Variants in ABCA12 observed in about 807,000 individuals in gnomAD.
ABCA12 encodes glucosylceramide transporter ABCA12.
In ABCA12, 156 loss-of-function variants were observed where a neutral mutation model predicts 293.5. The observed-to-expected ratio is 0.53, with a 90% confidence interval of 0.47 to 0.61. The LOEUF is 0.61. Among genes scored for constraint, ABCA12 ranks in the 20% least tolerant of loss-of-function variants. ABCA12 has a pLI of 0.00. For missense variants in ABCA12, 2,797 were observed against 3,090.2 expected (o/e 0.91, Z 2.25); for synonymous variants, 1,063 against 1,108.0 (o/e 0.96, Z 0.81).
At position 214,987,656 on chromosome 2, in the gene ABCA12, G is replaced by T. The variant is rs772305847; in HGVS notation, c.3967C>A (p.Pro1323Thr). 1 of 1,613,100 alleles carries T rather than the reference G, an allele frequency of 6.2e-7. No homozygotes were observed. Among genetic ancestry groups the T allele is most frequent in the East Asian group, 2.2e-5 (1 of 44,830 alleles). Residue 1323 changes from proline to threonine, a missense_variant, in exon 27 of 53, where the codon CCA becomes ACA. Pro to Thr is a conservative substitution (Grantham distance 38). Transcript: ENST00000272895. Reference sequence around the variant, plus strand: ...GACCGACTTGTCTTACTGGCAGATGGGTTGGTGTTCTGCATCATGATGTTA... The same window carrying T: ...GACCGACTTGTCTTACTGGCAGATGTGTTGGTGTTCTGCATCATGATGTTA... ...FTNIMMQNTN[P>T]SASPEYMFSS...
At chr2:214,998,846 C>G (rs897973992) in intron 22 of ABCA12, among the ~76,000 whole-genome samples, 4 of 152,116 alleles carry the variant, frequency 2.6e-5, no homozygotes, top group Admixed American at 2.0e-4. Context: ...GAGGCAAAAG[C>G]AGTAGATGTC....
At chr2:215,108,147 T>C (rs941128049) in intron 2 of ABCA12, among the ~76,000 whole-genome samples, 1 of 152,222 alleles carries the variant, frequency 6.6e-6, no homozygotes, top group South Asian at 2.1e-4. Flanking sequence ...CAACTAGCAC[T>C]GTAGCCCACA....
At chr2:215,134,592 TCTCTCTCTATATATATATATA>T (rs1449161217) in intron 1 of ABCA12, among the ~76,000 whole-genome samples, 2 of 81,506 alleles carry the variant, frequency 2.5e-5, no homozygotes, top group African/African-American at 1.8e-4. Context: ...TCTCTCTCTC[TCTCTCTCTATATATATATATA>T]TATAGAGAGA....
intron 50 of ABCA12, among the ~76,000 whole-genome samples, chr2:214,939,769 T>C (rs1698337270): frequency 6.6e-6 from 1 of 152,196 alleles, no homozygotes; most frequent in Admixed American, 6.5e-5. Flanking sequence ...TGTTTGTCTA[T>C]TATTGGTGTA....
chr2:215,134,380 A>G lies in ABCA12; in HGVS notation c.69+3760T>C, dbSNP rs191212355. On this transcript the variant is annotated intron_variant, in intron 1 of 52. Coordinates refer to ENST00000272895, the MANE Select transcript of ABCA12 (RefSeq NM_173076.3). ...TATGTATATGTGTATATATGTATAT[A>G]TGTACATATATGTATATGTGTATAT... is the stretch of plus-strand genomic sequence containing the variant. Among the ~76,000 whole-genome samples the G allele has an allele frequency of 1.3e-3, 167 of 133,230 alleles. No homozygotes were observed. In the East Asian group the frequency reaches 0.024, roughly 19 times the overall value. The allele number at this position is 133,230 out of a possible 152,430, so 87.4% of individuals were successfully genotyped here. A position where few individuals can be genotyped will look rare whatever the true frequency, so the allele number is the denominator to read the frequency against.
At chr2:214,955,138 T>A (rs1366386004) in intron 43 of ABCA12, 64 bp downstream of exon 43, 14 of 1,563,636 alleles carry the variant, frequency 9.0e-6, no homozygotes, top group Non-Finnish European at 1.2e-5. Flanking sequence ...GTAGAATAAA[T>A]AAAATCTTTC....
At position 215,012,302 on chromosome 2, in the gene ABCA12, G is replaced by A. The variant is rs917286812; in HGVS notation, c.1957-167C>T. 6.6e-5 allele frequency among the ~76,000 whole-genome samples: 10 copies of A among 152,114 alleles called. No homozygotes were observed. The South Asian group carries it at 1.2e-3, about 19-fold the overall frequency. On this transcript the variant is annotated intron_variant, in intron 15 of 52. Coordinates refer to ENST00000272895, the MANE Select transcript of ABCA12 (RefSeq NM_173076.3). ...CAACCTGACAATTCCATTCCTGGGC[G>A]TTTACCTAAGAGAAGTGAAAACATG...
chr2:215,044,535 T>C (rs190190888), intron 7 of ABCA12: 4 of 152,298 alleles, frequency 2.6e-5, no homozygotes, highest in Admixed American at 2.0e-4. Context: ...AAAATTTCCC[T>C]AAGAGATAAA....
intron 7 of ABCA12, among the ~76,000 whole-genome samples, chr2:215,041,216 T>C (rs546748627): frequency 4.5e-4 from 69 of 152,044 alleles, no homozygotes; most frequent in African/African-American, 1.6e-3. Flanking sequence ...TAAAAAGAAA[T>C]ACTGCTGAAT....
At chr2:214,950,110 A>G (rs1450099945) in intron 45 of ABCA12, among the ~76,000 whole-genome samples, 1 of 152,132 alleles carries the variant, frequency 6.6e-6, no homozygotes, top group African/African-American at 2.4e-5. Flanking sequence ...CACGATAACA[A>G]CTATTTACAT....
At chr2:215,096,217 A>G (rs1254088082) in intron 2 of ABCA12, among the ~76,000 whole-genome samples, 1 of 152,156 alleles carries the variant, frequency 6.6e-6, no homozygotes, top group East Asian at 1.9e-4. Context: ...ATGCTATCTT[A>G]TTAGTTTTAT....
At chr2:215,077,417 ATT>A (rs888967983) in intron 2 of ABCA12, among the ~76,000 whole-genome samples, 8 of 152,234 alleles carry the variant, frequency 5.3e-5, no homozygotes, top group African/African-American at 1.7e-4. Context: ...GGTTTTGTCA[ATT>A]TTGTGGGTAA....
intron 40 of ABCA12, 33 bp from the exon 41 acceptor site, chr2:214,958,487 A>G (rs372682357): frequency 1.4e-5 from 23 of 1,608,454 alleles, no homozygotes; most frequent in African/African-American, 1.1e-4. Context: ...GAAAACACAC[A>G]TAAGTTTTTG....
At chr2:215,115,992 A>G (rs894214141) in intron 1 of ABCA12, among the ~76,000 whole-genome samples, 3 of 152,212 alleles carry the variant, frequency 2.0e-5, no homozygotes, top group Non-Finnish European at 1.5e-5. Flanking sequence ...TGATAAAAGT[A>G]GAAATATCCC....
At chr2:214,985,617 T>C (rs1009190992) in intron 28 of ABCA12, among the ~76,000 whole-genome samples, 12 of 152,200 alleles carry the variant, frequency 7.9e-5, no homozygotes, top group African/African-American at 2.7e-4. Context: ...CAACTCTGAC[T>C]TTAAACAGGC....
intron 33 of ABCA12, among the ~76,000 whole-genome samples, chr2:214,976,305 C>T (rs539829614): frequency 7.4e-4 from 112 of 152,236 alleles, no homozygotes; most frequent in African/African-American, 2.6e-3. Context: ...GTATTAATCA[C>T]AGGCATAGTA....
intron 1 of ABCA12, among the ~76,000 whole-genome samples, chr2:215,137,754 C>G (rs978342114): frequency 6.6e-6 from 1 of 152,128 alleles, no homozygotes. Context: ...TATTTCTTCC[C>G]ATTTATTGTA....
chr2:215,046,487 A>G (rs1343613248), intron 6 of ABCA12, among the ~76,000 whole-genome samples: 1 of 147,594 alleles, frequency 6.8e-6, no homozygotes, highest in African/African-American at 2.5e-5. Context: ...AAAATATAAT[A>G]TAATATAATA....
rs1219087472 is a variant in ABCA12 at position 215,090,286 on chromosome 2, T to C, written c.163+21311A>G. Among the ~76,000 whole-genome samples, 6 of 152,184 alleles carry C rather than the reference T, an allele frequency of 3.9e-5. No individual in the cohort carries two copies. The East Asian group carries it at 1.2e-3, about 29-fold the overall frequency. ...CACACAAAGCCTGTTTGGTGGTCTC[T>C]TCACATGGACACGTGTGACATTTGG... is the stretch of plus-strand genomic sequence containing the variant. On this transcript the variant is annotated intron_variant, in intron 2 of 52. Transcript: ENST00000272895.
Sources: allele counts gnomAD v4.1 joint callset (sites outside exome capture counted in the v4.1 genomes callset), GRCh38; gene constraint gnomAD v4.1.1; transcripts MANE v1.5; gene names NCBI Gene and HGNC (gene_info 2026-07-23, HGNC 2026-07-21).